Variants in DLG2 observed in about 807,000 individuals in gnomAD.
DLG2 encodes discs large MAGUK scaffold protein 2, also known as disks large homolog 2.
Under a neutral mutation model 132.5 loss-of-function variants are expected in DLG2, and 45 were observed. The ratio of observed to expected loss-of-function variants is 0.34; its 90% CI spans 0.27 to 0.44. The LOEUF (loss-of-function observed/expected upper bound fraction) is 0.44. Ranked by LOEUF, DLG2 falls within the 20% of genes least tolerant of loss-of-function variation. The pLI, the probability that DLG2 is intolerant of heterozygous loss-of-function variation, is 1.00. For missense variants in DLG2, 1,045 were observed against 1,196.9 expected (o/e 0.87, Z 1.87); for synonymous variants, 424 against 419.6 (o/e 1.01, Z -0.13).
chr11:83,583,589 G>T (rs2097022275), intron 19 of DLG2, among the ~76,000 whole-genome samples: 1 of 152,180 alleles, frequency 6.6e-6, no homozygotes, highest in South Asian at 2.1e-4. Context: ...GTTGCAAAAT[G>T]TCAGGGCTTC....
chr11:83,568,802 GA>G (rs2096750958), intron 19 of DLG2, among the ~76,000 whole-genome samples: 2 of 152,152 alleles, frequency 1.3e-5, no homozygotes, highest in South Asian at 4.1e-4. Context: ...CATGAGTTCA[GA>G]AAAGATCATG....
At chr11:83,772,085 A>C (rs59576380) in intron 18 of DLG2, among the ~76,000 whole-genome samples, 11,492 of 152,088 alleles carry the variant, frequency 0.076, 549 homozygotes, top group African/African-American at 0.12. Context: ...CAATCTACAG[A>C]AGATTGGTTA....
At chr11:85,128,507 A>G (rs1477552848) in intron 5 of DLG2, among the ~76,000 whole-genome samples, 1 of 152,200 alleles carries the variant, frequency 6.6e-6, no homozygotes, top group Non-Finnish European at 1.5e-5. Context: ...CTGTTCTTAT[A>G]TCAAATCCTT....
At chr11:85,550,636 G>A (rs980849450) in intron 3 of DLG2, among the ~76,000 whole-genome samples, 1 of 152,212 alleles carries the variant, frequency 6.6e-6, no homozygotes. Flanking sequence ...TCCCATGAAG[G>A]GGTCAGGGAA....
intron 16 of DLG2, among the ~76,000 whole-genome samples, chr11:83,864,051 C>A (rs550862301): frequency 6.6e-6 from 1 of 152,164 alleles, no homozygotes; most frequent in African/African-American, 2.4e-5. Context: ...TTCTATACTT[C>A]CATGTAGCTC....
intron 11 of DLG2, among the ~76,000 whole-genome samples, chr11:84,003,156 A>T (rs897981783): frequency 6.6e-6 from 1 of 152,228 alleles, no homozygotes; most frequent in Non-Finnish European, 1.5e-5. Context: ...GTTCCCAATA[A>T]GTTCTTCATC....
intron 15 of DLG2, among the ~76,000 whole-genome samples, chr11:83,921,946 G>A (rs1163883080): frequency 6.6e-6 from 1 of 152,054 alleles, no homozygotes; most frequent in Non-Finnish European, 1.5e-5. Context: ...AAACCAATCT[G>A]GTTTCACTTC....
At chr11:84,557,937 T>C (rs2099415225) in intron 6 of DLG2, among the ~76,000 whole-genome samples, 2 of 152,192 alleles carry the variant, frequency 1.3e-5, no homozygotes, top group Non-Finnish European at 2.9e-5. Context: ...TTACAAACTA[T>C]CAGCAACATA....
chr11:85,211,889 T>C (rs569309731), intron 4 of DLG2, among the ~76,000 whole-genome samples: 1 of 152,242 alleles, frequency 6.6e-6, no homozygotes, highest in South Asian at 2.1e-4. Flanking sequence ...ATCTATTATA[T>C]TAACTGCTAT....
intron 18 of DLG2, among the ~76,000 whole-genome samples, chr11:83,776,881 T>C (rs1469936364): frequency 6.6e-6 from 1 of 152,258 alleles, no homozygotes; most frequent in Non-Finnish European, 1.5e-5. Flanking sequence ...TTTGTTTGTC[T>C]TCGTTTGGTC....
intron 20 of DLG2, among the ~76,000 whole-genome samples, chr11:83,534,017 G>C (rs1341362552): frequency 6.6e-6 from 1 of 152,124 alleles, no homozygotes; most frequent in Non-Finnish European, 1.5e-5. Context: ...AAGAGGGAAA[G>C]GCTTGAGAAA....
At chr11:85,185,543 A>G (rs1254437145) in intron 4 of DLG2, among the ~76,000 whole-genome samples, 1 of 151,942 alleles carries the variant, frequency 6.6e-6, no homozygotes, top group Non-Finnish European at 1.5e-5. Flanking sequence ...GAGAGCAGGA[A>G]AGGTGAGATT....
intron 3 of DLG2, among the ~76,000 whole-genome samples, chr11:85,575,827 G>A (rs184928755): frequency 6.6e-6 from 1 of 152,116 alleles, no homozygotes; most frequent in Non-Finnish European, 1.5e-5. Context: ...CTATACATTT[G>A]TATATTGCTG....
intron 16 of DLG2, among the ~76,000 whole-genome samples, chr11:83,848,691 C>T (rs1013617775): frequency 6.6e-6 from 1 of 152,226 alleles, no homozygotes; most frequent in African/African-American, 2.4e-5. Context: ...ATTCTCCTAA[C>T]AATATGAAGT....
intron 15 of DLG2, among the ~76,000 whole-genome samples, chr11:83,906,298 C>G (rs1274043626): frequency 5.7e-5 from 8 of 140,640 alleles, no homozygotes; most frequent in African/African-American, 1.5e-4. Flanking sequence ...CACACACACA[C>G]ACACACACAC....
chr11:84,296,390 GA>G (rs1476263905), intron 7 of DLG2, among the ~76,000 whole-genome samples: 3 of 152,136 alleles, frequency 2.0e-5, no homozygotes, highest in Non-Finnish European at 4.4e-5. Flanking sequence ...TTCACGTTTG[GA>G]GGAGTTGTTA....
At chr11:85,188,889 C>T (rs1052716104) in intron 4 of DLG2, among the ~76,000 whole-genome samples, 1 of 151,990 alleles carries the variant, frequency 6.6e-6, no homozygotes. Context: ...ACACAAGTAA[C>T]GGGAGTCCCA....
intron 7 of DLG2, among the ~76,000 whole-genome samples, chr11:84,419,710 C>T (rs965948723): frequency 1.2e-4 from 19 of 152,270 alleles, no homozygotes; most frequent in Admixed American, 6.5e-5. Flanking sequence ...CCCTTTAGTG[C>T]GAGTACCATC....
At chr11:84,050,153 CTTTTT>C (rs59128434) in intron 11 of DLG2, among the ~76,000 whole-genome samples, 9 of 141,154 alleles carry the variant, frequency 6.4e-5, no homozygotes, top group Admixed American at 1.4e-4. Context: ...CTACTGGAGA[CTTTTT>C]TTTTTTTTTT....
Sources: allele counts gnomAD v4.1 joint callset (sites outside exome capture counted in the v4.1 genomes callset), GRCh38; gene constraint gnomAD v4.1.1; transcripts MANE v1.5; gene names NCBI Gene and HGNC (gene_info 2026-07-23, HGNC 2026-07-21).